PAPPA: variants seen among roughly 807,000 people sequenced by gnomAD.
PAPPA encodes the protein pappalysin-1.
In PAPPA, 60 loss-of-function variants were observed where a neutral mutation model predicts 164.0. The ratio of observed to expected loss-of-function variants is 0.37; its 90% CI spans 0.30 to 0.45. The LOEUF (loss-of-function observed/expected upper bound fraction) is 0.45, where lower values mean the gene tolerates loss of function less well. Ranked by LOEUF, PAPPA falls within the 20% of genes least tolerant of loss-of-function variation. PAPPA has a pLI of 1.00. For synonymous variants in PAPPA, 875 were observed against 814.1 expected (o/e 1.07, Z -1.27); for missense variants, 1,782 against 2,087.3 (o/e 0.85, Z 2.85).
chr9:116,298,229 GA>G (rs1845533326), intron 9 of PAPPA, among the ~76,000 whole-genome samples: 1 of 152,192 alleles, frequency 6.6e-6, no homozygotes. Flanking sequence ...CCAGATAAAT[GA>G]AAATAAGTCA....
chr9:116,250,592 A>G (rs1226899333), intron 7 of PAPPA, among the ~76,000 whole-genome samples: 1 of 152,240 alleles, frequency 6.6e-6, no homozygotes, highest in African/African-American at 2.4e-5. Context: ...CTCTGTGTAT[A>G]CGAAGTCAGT....
At chr9:116,322,290 A>G (rs1379032821) in intron 10 of PAPPA, among the ~76,000 whole-genome samples, 1 of 151,866 alleles carries the variant, frequency 6.6e-6, no homozygotes, top group Non-Finnish European at 1.5e-5. Flanking sequence ...GGAGCCTGTA[A>G]TCCCAGCTAC....
At chr9:116,252,507 G>A (rs542724351) in intron 7 of PAPPA, among the ~76,000 whole-genome samples, 1 of 152,328 alleles carries the variant, frequency 6.6e-6, no homozygotes, top group East Asian at 1.9e-4. Context: ...TGGAAGGGCT[G>A]CAGTCTACTG....
At chr9:116,181,933 A>G (rs1050860727) in intron 1 of PAPPA, among the ~76,000 whole-genome samples, 1 of 152,264 alleles carries the variant, frequency 6.6e-6, no homozygotes, top group African/African-American at 2.4e-5. Flanking sequence ...CTGGCTTTCA[A>G]TTCAATTCAC....
chr9:116,362,591 G>C lies in PAPPA; in HGVS notation c.4348-1G>C. ...CCTAACTCTGTTTCTCTGTTGTTCAGGGACTTGGGAGCAATGTCATTCATT... is the reference window on the plus strand; with the variant it reads ...CCTAACTCTGTTTCTCTGTTGTTCACGGACTTGGGAGCAATGTCATTCATT... On this transcript the variant is annotated splice_acceptor_variant, in intron 17 of 21. Transcript: ENST00000328252. LOFTEE classifies it high-confidence loss of function. 6.2e-7 allele frequency: 1 copy of C among 1,613,142 alleles called. No homozygotes were observed. Among genetic ancestry groups the C allele is most frequent in the Non-Finnish European group, 8.5e-7 (1 of 1,179,502 alleles).
intron 10 of PAPPA, among the ~76,000 whole-genome samples, chr9:116,303,178 T>C (rs574677997): frequency 6.6e-6 from 1 of 152,322 alleles, no homozygotes; most frequent in African/African-American, 2.4e-5. Flanking sequence ...CCTATTTCCT[T>C]GCCTGTAATA....
At chr9:116,279,661 A>C (rs1845244274) in intron 9 of PAPPA, among the ~76,000 whole-genome samples, 1 of 152,216 alleles carries the variant, frequency 6.6e-6, no homozygotes, top group Non-Finnish European at 1.5e-5. Flanking sequence ...AGTCCAAGGC[A>C]GGTGAATCTG....
chr9:116,200,569 C>T (rs754777674), intron 2 of PAPPA, among the ~76,000 whole-genome samples: 3 of 152,162 alleles, frequency 2.0e-5, no homozygotes, highest in South Asian at 2.1e-4. Context: ...AATACTTCAA[C>T]AGTTCCAGTG....
At chr9:116,357,549 G>A (rs924905623) in intron 17 of PAPPA, among the ~76,000 whole-genome samples, 1 of 152,196 alleles carries the variant, frequency 6.6e-6, no homozygotes, top group Non-Finnish European at 1.5e-5. Flanking sequence ...ATGGTGACAA[G>A]AGAGCAGGTG....
intron 2 of PAPPA, among the ~76,000 whole-genome samples, chr9:116,202,131 G>A (rs1587949633): frequency 1.3e-5 from 2 of 152,140 alleles, no homozygotes; most frequent in East Asian, 3.9e-4. Flanking sequence ...AAACGGGAAG[G>A]CCAGTGTATT....
Position 116,227,435 on chromosome 9 carries a change from T to G in PAPPA, c.2116T>G (p.Leu706Val), listed in dbSNP as rs1367819665. 3 of 1,613,842 alleles carry G rather than the reference T, an allele frequency of 1.9e-6. No individual in the cohort carries two copies. The South Asian group carries it at 3.3e-5, about 18-fold the overall frequency. The change falls in exon 6 of 22, where the codon TTG becomes GTG. Residue 706 changes from leucine (L) to valine (V), a missense_variant. By Grantham distance (32) the Leu-to-Val change is conservative. Around this residue, in one of 2 missense-constraint regions of PAPPA, gnomAD observed 1,324 missense variants for 1,656.9 expected, o/e 0.80. Coordinates refer to ENST00000328252, the MANE Select transcript of PAPPA (RefSeq NM_002581.5). The part of the protein sequence containing the change: ...PIDGHFFERE[L>V]GSACHLCLEG... Reference sequence around the variant, plus strand: ...CCTCTTTCCTTGGCCTCCTAGAGAATTGGGATCAGCATGTCATCTTTGCCT... The same window carrying G: ...CCTCTTTCCTTGGCCTCCTAGAGAAGTGGGATCAGCATGTCATCTTTGCCT...
intron 7 of PAPPA, among the ~76,000 whole-genome samples, chr9:116,237,461 T>A (rs1844681780): frequency 6.6e-6 from 1 of 152,212 alleles, no homozygotes; most frequent in Non-Finnish European, 1.5e-5. Flanking sequence ...AAAATCTCAG[T>A]TTAAACTCAG....
At chr9:116,341,073 C>T (rs1381973681) in intron 13 of PAPPA, among the ~76,000 whole-genome samples, 2 of 151,350 alleles carry the variant, frequency 1.3e-5, no homozygotes, top group East Asian at 1.9e-4. Context: ...CACAGTCTCA[C>T]TCTGTTTCCC....
At chr9:116,224,198 C>G (rs1844477669) in intron 5 of PAPPA, among the ~76,000 whole-genome samples, 1 of 152,194 alleles carries the variant, frequency 6.6e-6, no homozygotes, top group African/African-American at 2.4e-5. Flanking sequence ...AGCCTGTGTC[C>G]TCACACATGG....
At chr9:116,161,709 GA>G (rs57639944) in intron 1 of PAPPA, among the ~76,000 whole-genome samples, 4,446 of 102,984 alleles carry the variant, frequency 0.043, 183 homozygotes, top group African/African-American at 0.13. Context: ...AAAAGCTCCA[GA>G]AAAAAAAAAA....
Position 116,401,972 on chromosome 9 carries a change from T to C in PAPPA, c.*5356T>C. On this transcript the variant is annotated 3_prime_UTR_variant, in exon 22 of 22. Transcript: ENST00000328252. ...GCATAAATTTGCTGCTCCTATTTTTTTTTCTGTTTATGTGTTTTTATGGAT... is the reference window on the plus strand; with the variant it reads ...GCATAAATTTGCTGCTCCTATTTTTCTTTCTGTTTATGTGTTTTTATGGAT... 6.6e-6 allele frequency: 1 copy of C among 152,490 alleles called. No homozygotes were observed. Among genetic ancestry groups the C allele is most frequent in the East Asian group, 1.9e-4 (1 of 5,196 alleles). 9.4% of individuals were successfully genotyped at this position (152,490 alleles called of 1,614,324 possible).
intron 6 of PAPPA, among the ~76,000 whole-genome samples, chr9:116,232,032 G>T (rs1054765756): frequency 6.6e-6 from 1 of 152,058 alleles, no homozygotes; most frequent in African/African-American, 2.4e-5. Flanking sequence ...GGGATTACAG[G>T]CATGAGCCAC....
intron 9 of PAPPA, among the ~76,000 whole-genome samples, chr9:116,293,946 G>A (rs1845469575): frequency 6.6e-6 from 1 of 151,868 alleles, no homozygotes; most frequent in Admixed American, 6.6e-5. Flanking sequence ...GCAAAACTCT[G>A]TCTCAAAATA....
At chr9:116,225,370 T>G (rs1208831432) in intron 5 of PAPPA, among the ~76,000 whole-genome samples, 1 of 152,224 alleles carries the variant, frequency 6.6e-6, no homozygotes, top group East Asian at 1.9e-4. Flanking sequence ...AACTCATGTA[T>G]TTAAAATATG....
Sources: gnomAD v4.1 joint callset for allele counts (sites outside exome capture counted in the v4.1 genomes callset) on GRCh38, gnomAD v4.1.1 for gene constraint, gnomAD v4.1.1 regional missense constraint, MANE v1.5 for transcripts, NCBI Gene and HGNC (gene_info 2026-07-23, HGNC 2026-07-21) for gene names.